ANK3: variants seen among roughly 807,000 people sequenced by gnomAD.
The protein encoded by ANK3 is ankyrin-3.
In ANK3, 57 loss-of-function variants were observed where a neutral mutation model predicts 370.9. That is an observed-to-expected ratio of 0.15 (90% confidence interval 0.12 to 0.19). ANK3 has a LOEUF of 0.19. Ranked by LOEUF, ANK3 falls within the 10% of genes least tolerant of loss-of-function variation. ANK3 has a pLI of 1.00. For missense variants in ANK3, 4,439 were observed against 5,302.1 expected, an observed-to-expected ratio of 0.84 and a Z score of 5.06; for synonymous variants, 1,929 against 1,946.3, an observed-to-expected ratio of 0.99 and a Z score of 0.23.
Position 60,069,256 on chromosome 10 carries a change from G to A in ANK3, c.11625C>T (p.Thr3875=), listed in dbSNP as rs758361631. The A allele has an allele frequency of 2.3e-5, 37 of 1,613,992 alleles. No individual in the cohort carries two copies. The highest frequency in any genetic ancestry group is 1.0e-4 in the Admixed American group (6 of 59,994). Residue 3875 remains threonine (T), a synonymous_variant, in exon 37 of 44, where the codon ACC becomes ACT. Coordinates refer to ENST00000280772, the MANE Select transcript of ANK3 (RefSeq NM_020987.5). ...LPIKATSPKD[T]FPPNHMSNTK... is the part of the protein sequence containing the mutation. ...TGTTTGACATATGGTTCGGTGGGAA[G>A]GTATCTTTTGGTGAAGTGGCCTTTA...
At chr10:60,543,498 T>C (rs1197628547) in intron 2 of ANK3, among the ~76,000 whole-genome samples, 1 of 151,950 alleles carries the variant, frequency 6.6e-6, no homozygotes, top group African/African-American at 2.4e-5. Context: ...TATCTCTTCA[T>C]GGAAAAGGTC....
At chr10:60,108,267 T>C in intron 27 of ANK3, 1 of 408,590 alleles carries the variant, frequency 2.4e-6, no homozygotes, top group Non-Finnish European at 4.7e-6. Context: ...GGGGGAGGAT[T>C]GGTAGGAAGA....
intron 28 of ANK3, among the ~76,000 whole-genome samples, chr10:60,088,741 AG>A (rs775608624): frequency 6.6e-6 from 1 of 152,230 alleles, no homozygotes; most frequent in Non-Finnish European, 1.5e-5. Context: ...TCATTTTAAT[AG>A]TCAAAATCAT....
At chr10:60,728,929 T>C (rs1033076589) in intron 1 of ANK3, among the ~76,000 whole-genome samples, 1 of 152,228 alleles carries the variant, frequency 6.6e-6, no homozygotes, top group African/African-American at 2.4e-5. Context: ...GTGAGAGGCA[T>C]AATAAATCAT....
chr10:60,477,190 A>G (rs2075089269), intron 2 of ANK3, among the ~76,000 whole-genome samples: 2 of 152,082 alleles, frequency 1.3e-5, no homozygotes, highest in South Asian at 2.1e-4. Flanking sequence ...AAAAATTAAC[A>G]TCTTTCTGGA....
At chr10:60,265,086 C>T (rs1382084232) in intron 5 of ANK3, among the ~76,000 whole-genome samples, 1 of 150,668 alleles carries the variant, frequency 6.6e-6, no homozygotes, top group Admixed American at 6.6e-5. Context: ...TCTTCATTAC[C>T]ACACTTATTT....
At chr10:60,305,437 T>C (rs2132822145) in intron 1 of ANK3, among the ~76,000 whole-genome samples, 1 of 151,868 alleles carries the variant, frequency 6.6e-6, no homozygotes, top group African/African-American at 2.4e-5. Context: ...GGAACTCACT[T>C]GGGAGTTTAA....
intron 2 of ANK3, among the ~76,000 whole-genome samples, chr10:60,421,387 C>T (rs755579360): frequency 4.6e-5 from 7 of 151,790 alleles, no homozygotes; most frequent in African/African-American, 7.3e-5. Flanking sequence ...TCTTAATAAA[C>T]GTGGGGGAGG....
chr10:60,414,663 G>A (rs1011896168), intron 2 of ANK3, among the ~76,000 whole-genome samples: 1 of 152,178 alleles, frequency 6.6e-6, no homozygotes, highest in Non-Finnish European at 1.5e-5. Flanking sequence ...GACTACCAGA[G>A]AAGGGTAGAT....
chr10:60,286,492 T>C (rs538614949), intron 1 of ANK3, among the ~76,000 whole-genome samples: 15 of 152,252 alleles, frequency 9.9e-5, no homozygotes, highest in Non-Finnish European at 1.9e-4. Context: ...ACTGTGGAGT[T>C]GATGGATGTT....
chr10:60,325,664 G>C (rs533147681), intron 1 of ANK3, among the ~76,000 whole-genome samples: 1 of 152,288 alleles, frequency 6.6e-6, no homozygotes, highest in Admixed American at 6.5e-5. Context: ...CTTTGTGAAT[G>C]CTTATACACT....
Position 60,196,607 on chromosome 10 carries a change from G to C in ANK3, c.1708C>G (p.His570Asp). The change falls in exon 15 of 44, where the codon CAT (histidine) becomes GAT (aspartate). Residue 570 changes from histidine (H) to aspartate (D), a missense_variant. Physicochemically the swap from His to Asp is moderately conservative, Grantham distance 81. This residue lies in a region of ANK3 where 192 missense variants were observed against 192.1 expected (regional missense o/e 1.00). Coordinates refer to ENST00000280772, the MANE Select transcript of ANK3 (RefSeq NM_020987.5). ...ITTKKGFTPL[H>D]VAAKYGKLEV... Reference sequence around the variant, plus strand: ...AGCTTTCCATATTTTGCTGCCACATGAAGAGGAGTAAATCCTTTCTGAAAA... The same window carrying C: ...AGCTTTCCATATTTTGCTGCCACATCAAGAGGAGTAAATCCTTTCTGAAAA... The C allele has an allele frequency of 6.3e-7, 1 of 1,595,848 alleles. No homozygotes were observed. Among genetic ancestry groups the C allele is most frequent in the Non-Finnish European group, 8.6e-7 (1 of 1,168,660 alleles).
intron 1 of ANK3, among the ~76,000 whole-genome samples, chr10:60,353,153 G>GTTTTTTTTT (rs1481181095): frequency 7.4e-6 from 1 of 135,844 alleles, no homozygotes; most frequent in Non-Finnish European, 1.6e-5. Flanking sequence ...GCTAATTTTT[G>GTTTTTTTTT]TTTTGTTTTT....
chr10:60,091,736 G>A (rs997409910), intron 28 of ANK3, among the ~76,000 whole-genome samples: 1 of 145,326 alleles, frequency 6.9e-6, no homozygotes, highest in Non-Finnish European at 1.5e-5. Context: ...GCACATTTTT[G>A]TTTTTTTTTT....
chr10:60,198,204 T>C (rs945839238), intron 14 of ANK3, 136 bp downstream of exon 14: 9 of 841,750 alleles, frequency 1.1e-5, no homozygotes, highest in African/African-American at 1.7e-5. Flanking sequence ...AGAGCTTTGC[T>C]GGCCATATTA....
At chr10:60,470,267 T>C (rs1299169303) in intron 2 of ANK3, among the ~76,000 whole-genome samples, 3 of 152,108 alleles carry the variant, frequency 2.0e-5, no homozygotes, top group Non-Finnish European at 4.4e-5. Flanking sequence ...ATTCGTCATT[T>C]TGGGTAACTG....
chr10:60,534,785 T>A (rs561971474), intron 2 of ANK3, among the ~76,000 whole-genome samples: 2 of 152,274 alleles, frequency 1.3e-5, no homozygotes, highest in South Asian at 4.1e-4. Flanking sequence ...AATTTTCTAT[T>A]TTCAAGTATG....
chr10:60,360,873 T>C (rs2058497782), intron 1 of ANK3, among the ~76,000 whole-genome samples: 2 of 152,166 alleles, frequency 1.3e-5, no homozygotes, highest in South Asian at 2.1e-4. Context: ...TTATATTTCT[T>C]GATTTCTACC....
intron 1 of ANK3, among the ~76,000 whole-genome samples, chr10:60,679,882 T>A (rs2079171795): frequency 6.6e-6 from 1 of 152,078 alleles, no homozygotes; most frequent in Non-Finnish European, 1.5e-5. Flanking sequence ...ATGCATGTAA[T>A]CCCAGCACTT....
Sources: allele counts gnomAD v4.1 joint callset (sites outside exome capture counted in the v4.1 genomes callset), GRCh38; gene constraint gnomAD v4.1.1; regional missense constraint gnomAD v4.1.1; transcripts MANE v1.5; gene names NCBI Gene and HGNC (gene_info 2026-07-23, HGNC 2026-07-21).